FRMD3: variants seen among roughly 807,000 people sequenced by gnomAD.
FRMD3 encodes FERM domain-containing protein 3.
In FRMD3, 33 loss-of-function variants were observed where a neutral mutation model predicts 70.2. The ratio of observed to expected loss-of-function variants is 0.47; its 90% CI spans 0.36 to 0.63. FRMD3 has a LOEUF of 0.63. Among genes scored for constraint, FRMD3 ranks in the 20% least tolerant of loss-of-function variants. FRMD3 has a pLI of 0.00. For synonymous variants in FRMD3, 279 were observed against 255.9 expected, an observed-to-expected ratio of 1.09 and a Z score of -0.86; for missense variants, 632 against 711.4, an observed-to-expected ratio of 0.89 and a Z score of 1.27.
chr9:83,581,552 C>T, the FRMD3 span, among the ~76,000 whole-genome samples: 3 of 152,250 alleles, frequency 2.0e-5, no homozygotes, highest in South Asian at 2.1e-4. Flanking sequence ...ATGTGTGGCA[C>T]TTCCCCAAAA....
the FRMD3 span, among the ~76,000 whole-genome samples, chr9:83,575,482 G>C: frequency 6.6e-6 from 1 of 152,270 alleles, no homozygotes; most frequent in Admixed American, 6.5e-5. Context: ...CAGTTGGTCA[G>C]ATGGATCAAT....
chr9:83,538,298 C>A lies in FRMD3; in HGVS notation c.-67G>T. 6.8e-7 allele frequency: 1 copy of A among 1,478,970 alleles called. No individual in the cohort carries two copies. The allele number at this position is 1,478,970 out of a possible 1,614,324, so 91.6% of individuals were successfully genotyped here. A position where few individuals can be genotyped will look rare whatever the true frequency, so the allele number is the denominator to read the frequency against. On this transcript the variant is annotated 5_prime_UTR_variant, in exon 1 of 14. Coordinates refer to ENST00000304195, the MANE Select transcript of FRMD3 (RefSeq NM_174938.6). This position sits in a 1 kb window ranked among gnomAD's most constrained non-coding sequence, Gnocchi z 4.7. ...CGCGGTGCTCGCCTGCGCGGACACA[C>A]ACGCTCGCACGCACTGTCCGGGACA...
At chr9:83,335,407 T>C in intron 6 of FRMD3, 109 bp downstream of exon 6, 1 of 1,180,230 alleles carries the variant, frequency 8.5e-7, no homozygotes, top group Non-Finnish European at 1.2e-6. Flanking sequence ...CAAAACAGCC[T>C]ATCCATACAT....
chr9:83,272,607 G>A (rs1425486475), intron 13 of FRMD3, among the ~76,000 whole-genome samples: 1 of 144,462 alleles, frequency 6.9e-6, no homozygotes, highest in African/African-American at 2.6e-5. Context: ...CGGCCGCCCA[G>A]TCTGGGAAGT....
rs962181126 is a variant in FRMD3 at position 83,381,693 on chromosome 9, A to C, written c.252+7911T>G. On this transcript the variant is annotated intron_variant, in intron 2 of 13. Transcript: ENST00000304195. ...ACAGCCAGAAGAAGAAACACTGCGCAAATCAGGGGAGGGGCCAGGAAGTCT... is the reference window on the plus strand; with the variant it reads ...ACAGCCAGAAGAAGAAACACTGCGCCAATCAGGGGAGGGGCCAGGAAGTCT... Among the ~76,000 whole-genome samples the C allele has an allele frequency of 2.0e-5, 3 of 152,318 alleles. No homozygotes were observed. The East Asian group carries it at 5.8e-4, about 29-fold the overall frequency.
At chr9:83,249,957 C>T (rs1211010481) in intron 13 of FRMD3, among the ~76,000 whole-genome samples, 4 of 152,182 alleles carry the variant, frequency 2.6e-5, no homozygotes, top group Non-Finnish European at 2.9e-5. Context: ...CAGGTACATA[C>T]TCCAAAGACT....
intron 1 of FRMD3, among the ~76,000 whole-genome samples, chr9:83,436,458 A>ATG (rs148417744): frequency 0.13 from 19,198 of 144,512 alleles, 1,267 homozygotes; most frequent in African/African-American, 0.15. Flanking sequence ...AATTAATAAG[A>ATG]TGTGTGTGTG....
At chr9:83,244,110 A>G (rs1187968500), downstream of FRMD3, among the ~76,000 whole-genome samples, 1 of 149,046 alleles carries the variant, frequency 6.7e-6, no homozygotes, top group Admixed American at 6.6e-5. Flanking sequence ...CCTGGGCAAC[A>G]AGAGCAAAAC....
intron 1 of FRMD3, among the ~76,000 whole-genome samples, chr9:83,456,986 A>AC (rs1039232396): frequency 1.3e-5 from 2 of 152,080 alleles, no homozygotes; most frequent in Admixed American, 6.6e-5. Flanking sequence ...TCTCAAAAAA[A>AC]AATTAATAAA....
At chr9:83,324,616 A>G (rs1835937880) in intron 6 of FRMD3, among the ~76,000 whole-genome samples, 4 of 152,196 alleles carry the variant, frequency 2.6e-5, no homozygotes, top group African/African-American at 7.2e-5. Context: ...GTATTTATTG[A>G]TCAAGAGGAT....
intron 1 of FRMD3, among the ~76,000 whole-genome samples, chr9:83,444,727 T>C (rs1827405695): frequency 6.6e-6 from 1 of 152,366 alleles, no homozygotes; most frequent in African/African-American, 2.4e-5. Context: ...CTGCCTTTGC[T>C]GTAAGATGCT....
At chr9:83,375,854 AC>A (rs1174395256) in intron 2 of FRMD3, among the ~76,000 whole-genome samples, 1 of 152,104 alleles carries the variant, frequency 6.6e-6, no homozygotes, top group African/African-American at 2.4e-5. Context: ...CTGCACATGT[AC>A]CCCTAACTTA....
intron 2 of FRMD3, among the ~76,000 whole-genome samples, chr9:83,375,112 C>G (rs7037541): frequency 0.23 from 34,869 of 152,040 alleles, 4,255 homozygotes; most frequent in East Asian, 0.31. Context: ...TGTGTGCCCA[C>G]ACCAGGGCTG....
At chr9:83,467,659 G>A in intron 1 of FRMD3, 2 of 1,535,162 alleles carry the variant, frequency 1.3e-6, no homozygotes, top group Non-Finnish European at 1.7e-6. Flanking sequence ...GCCTTGCCAA[G>A]ACAAAAAGGA....
At chr9:83,296,421 T>C (rs139561560) in intron 12 of FRMD3, among the ~76,000 whole-genome samples, 1,603 of 152,270 alleles carry the variant, frequency 0.011, 20 homozygotes, top group Non-Finnish European at 0.017. Context: ...TATATTGACC[T>C]CTACTATGTG....
At chr9:83,342,474 C>T (rs573429751) in intron 5 of FRMD3, among the ~76,000 whole-genome samples, 10 of 152,236 alleles carry the variant, frequency 6.6e-5, no homozygotes, top group Non-Finnish European at 1.3e-4. Flanking sequence ...AGAAACTGAA[C>T]CCTGAAGAGC....
rs1563970832 is a variant in FRMD3 at position 83,248,178 on chromosome 9, A to G, written c.1534T>C (p.Tyr512His). 1.9e-6 allele frequency: 3 copies of G among 1,614,100 alleles called. No homozygotes were observed. Among genetic ancestry groups the G allele is most frequent in the African/African-American group, 1.3e-5 (1 of 74,940 alleles). The change falls in exon 14 of 14, where the codon TAT (tyrosine) becomes CAT (histidine). Residue 512 changes from tyrosine to histidine, a missense_variant. Tyr to His is a moderately conservative substitution (Grantham distance 83, BLOSUM62 2). This residue lies in a region of FRMD3 where 418 missense variants were observed against 442.1 expected (regional missense o/e 0.95). Transcript: ENST00000304195. ...CGAATATGGCCAGTCAGAATGTCAT[A>G]GCTCCACGACAAAGCACGGCGAGCC... ...KEARRALSWS[Y>H]DILTGHIRVN...
chr9:83,536,930 TAAAAA>T (rs142272516), intron 1 of FRMD3, among the ~76,000 whole-genome samples: 18,406 of 60,510 alleles, frequency 0.3, 1,960 homozygotes, highest in African/African-American at 0.4. Context: ...TGTATTACAC[TAAAAA>T]AAAAAAAAAA....
At position 83,457,823 on chromosome 9, in the gene FRMD3, A is replaced by G. The variant is rs113770587; in HGVS notation, c.148-68115T>C. 7.0e-3 allele frequency among the ~76,000 whole-genome samples: 1,068 copies of G among 152,248 alleles called. 12 individuals carry two copies. The highest frequency in any genetic ancestry group is 0.024 in the African/African-American group (1,003 of 41,532). On this transcript the variant is annotated intron_variant, in intron 1 of 13. Coordinates refer to ENST00000304195, the MANE Select transcript of FRMD3 (RefSeq NM_174938.6). ...CCACAAAAAATTGTAACTATGTGAGATGATGAGTATGTTATCTTTATTGTG... is the reference window on the plus strand; with the variant it reads ...CCACAAAAAATTGTAACTATGTGAGGTGATGAGTATGTTATCTTTATTGTG...
Sources: allele counts gnomAD v4.1 joint callset (sites outside exome capture counted in the v4.1 genomes callset), GRCh38; gene constraint gnomAD v4.1.1; regional missense constraint gnomAD v4.1.1; non-coding constraint Gnocchi (gnomAD v3.1); transcripts MANE v1.5; gene names NCBI Gene and HGNC (gene_info 2026-07-23, HGNC 2026-07-21).